The following CACNG5 variants were observed in gnomAD, a reference collection of about 807,000 sequenced individuals.
The protein encoded by CACNG5 is voltage-dependent calcium channel gamma-5 subunit.
CACNG5 carries 18 observed loss-of-function variants against 24.8 expected under a neutral mutation model. That is an observed-to-expected ratio of 0.73 (90% CI 0.50 to 1.08). CACNG5 has a LOEUF of 1.08. CACNG5 is among the 50% of genes least tolerant of loss of function. CACNG5 has a pLI of 0.00. For missense variants in CACNG5, 349 were observed against 367.9 expected, an observed-to-expected ratio of 0.95 and a Z score of 0.42; for synonymous variants, 157 against 149.1, an observed-to-expected ratio of 1.05 and a Z score of -0.39.
At chr17:66,854,453 G>A (rs1371657508) in intron 1 of CACNG5, among the ~76,000 whole-genome samples, 1 of 148,878 alleles carries the variant, frequency 6.7e-6, no homozygotes, top group East Asian at 2.0e-4. Context: ...AAAAGATTGG[G>A]AGGCTGAGGT....
chr17:66,868,370 G>T (rs1156965865), intron 1 of CACNG5, among the ~76,000 whole-genome samples: 1 of 152,188 alleles, frequency 6.6e-6, no homozygotes, highest in East Asian at 1.9e-4. Context: ...GCTAGCTGTG[G>T]CTTTGCTTTT....
In CACNG5 at chr17:66,885,926, G is replaced by A. The variant is rs969035103; in HGVS notation, c.*686G>A. Among the ~76,000 whole-genome samples the A allele has an allele frequency of 1.3e-5, 2 of 152,202 alleles. No individual in the cohort carries two copies. The highest frequency in any genetic ancestry group is 4.8e-5 in the African/African-American group (2 of 41,450). On this transcript the variant is annotated 3_prime_UTR_variant, in exon 6 of 6. Coordinates refer to ENST00000533854, the MANE Select transcript of CACNG5 (RefSeq NM_145811.3). ...ACTAAGGGACTAAGGGTGGCTCTGAGGCCACACTGATGAAGTCACAAAGAG... is the reference window on the plus strand; with the variant it reads ...ACTAAGGGACTAAGGGTGGCTCTGAAGCCACACTGATGAAGTCACAAAGAG...
At position 66,877,434 on chromosome 17, in the gene CACNG5, G is replaced by A. The variant is rs11652480; in HGVS notation, c.102G>A (p.Leu34=). 0.082 allele frequency: 132,650 copies of A among 1,613,990 alleles called. 5,844 individuals carry two copies. Among genetic ancestry groups the A allele is most frequent in the Middle Eastern group, 0.12 (732 of 6,062 alleles). ...TCGCGGTCAGCACCGACTACTGGCT[G>A]TACCTGGAGGAGGGTGTGATTGTGC... The part of the protein sequence containing the change: ...LGIAVSTDYW[L]YLEEGVIVPQ... The change falls in exon 2 of 6, where the codon CTG becomes CTA. Residue 34 remains leucine, a synonymous_variant. Coordinates refer to ENST00000533854, the MANE Select transcript of CACNG5 (RefSeq NM_145811.3).
chr17:66,861,136 T>C (rs1430763522), intron 1 of CACNG5, among the ~76,000 whole-genome samples: 1 of 152,238 alleles, frequency 6.6e-6, no homozygotes, highest in Non-Finnish European at 1.5e-5. Flanking sequence ...GCTTATCACA[T>C]ACAGAATTGT....
intron 1 of CACNG5, among the ~76,000 whole-genome samples, chr17:66,853,963 GA>G (rs1269402139): frequency 6.6e-6 from 1 of 151,964 alleles, no homozygotes; most frequent in East Asian, 1.9e-4. Context: ...GAATTAGAAT[GA>G]AAAACTACAA....
chr17:66,877,229 G>A lies in CACNG5; in HGVS notation c.-103-1G>A. 1 of 922,752 alleles carries A rather than the reference G, an allele frequency of 1.1e-6. No homozygotes were observed. 57.2% of individuals were successfully genotyped at this position (922,752 alleles called of 1,614,324 possible). Reference sequence around the variant, plus strand: ...CTGGCTCCTCATCTTCGTCTTCTCAGAGCCGTGGGTACTGCCACCTGCTCA... The same window carrying A: ...CTGGCTCCTCATCTTCGTCTTCTCAAAGCCGTGGGTACTGCCACCTGCTCA... On this transcript the variant is annotated splice_acceptor_variant, in intron 1 of 5. Coordinates refer to ENST00000533854, the MANE Select transcript of CACNG5 (RefSeq NM_145811.3). LOFTEE classifies it low-confidence loss of function (5UTR_SPLICE).
chr17:66,847,987 G>A (rs1976660230), intron 1 of CACNG5, among the ~76,000 whole-genome samples: 1 of 152,174 alleles, frequency 6.6e-6, no homozygotes, highest in African/African-American at 2.4e-5. Context: ...GGTCAGGTGG[G>A]CCCCCACTGG....
At chr17:66,859,900 C>T (rs990643200) in intron 1 of CACNG5, among the ~76,000 whole-genome samples, 2 of 152,078 alleles carry the variant, frequency 1.3e-5, no homozygotes, top group African/African-American at 4.8e-5. Context: ...TCTTCTCCAC[C>T]TCTTCCATAA....
intron 3 of CACNG5, 53 bp downstream of exon 3, chr17:66,879,111 A>ACCT: frequency 7.5e-7 from 1 of 1,332,116 alleles, no homozygotes; most frequent in Non-Finnish European, 1.1e-6. Context: ...GAGAGGAGCA[A>ACCT]GGCAGAGGGA....
intron 1 of CACNG5, among the ~76,000 whole-genome samples, chr17:66,875,494 G>C (rs752771830): frequency 7.9e-5 from 12 of 152,184 alleles, no homozygotes; most frequent in Non-Finnish European, 1.5e-4. Flanking sequence ...CGGCGCTGTG[G>C]AATCAGGGCC....
intron 1 of CACNG5, among the ~76,000 whole-genome samples, chr17:66,851,092 A>G (rs977516871): frequency 6.6e-6 from 1 of 152,104 alleles, no homozygotes; most frequent in Non-Finnish European, 1.5e-5. Flanking sequence ...AAATTTGCCA[A>G]CTACCAGCCC....
At chr17:66,862,456 C>G (rs1431362862) in intron 1 of CACNG5, among the ~76,000 whole-genome samples, 1 of 151,034 alleles carries the variant, frequency 6.6e-6, no homozygotes. Context: ...TGTGTGTGCA[C>G]ATAGGCACAT....
At chr17:66,863,656 C>T (rs1976893779) in intron 1 of CACNG5, among the ~76,000 whole-genome samples, 1 of 152,168 alleles carries the variant, frequency 6.6e-6, no homozygotes, top group Non-Finnish European at 1.5e-5. Context: ...CATGAGCCAC[C>T]ATCTCTGGCC....
rs1977238962 is a variant in CACNG5, at chr17:66,885,162, CTCCCTGCA to C, written c.751_758del (p.Ser251AspfsTer15). 1 of 1,613,028 alleles carries C rather than the reference CTCCCTGCA, an allele frequency of 6.2e-7. No individual in the cohort carries two copies. Among genetic ancestry groups the C allele is most frequent in the Non-Finnish European group, 8.5e-7 (1 of 1,179,964 alleles). On this transcript the variant is annotated frameshift_variant, in exon 6 of 6. Transcript: ENST00000533854. LOFTEE classifies it high-confidence loss of function. ...GCCCCTCCGACATCTCCAGCGAGGC[CTCCCTGCA>C]GATGAACAGCAACTACCCCGCCTTG... is the stretch of plus-strand genomic sequence containing the variant.
rs1977321291 is a variant in CACNG5, at chr17:66,890,087, TG to T, written c.*4848del. On this transcript the variant is annotated 3_prime_UTR_variant, in exon 6 of 6. Transcript: ENST00000533854. The stretch of plus-strand genomic sequence containing the variant: ...TCAGTGAACCACTTTCATATGCTCG[TG>T]TGACACTTGGAAGTTAACCTGCCTT... Among the ~76,000 whole-genome samples, 1 of 152,206 alleles carries T rather than the reference TG, an allele frequency of 6.6e-6. No individual in the cohort carries two copies. Among genetic ancestry groups the T allele is most frequent in the Non-Finnish European group, 1.5e-5 (1 of 68,040 alleles).
Position 66,893,485 on chromosome 17 carries a change from A to C in CACNG5, c.*8245A>C, listed in dbSNP as rs1176325042. ...CCACACTCTTGTTCTGGATAAATTG[A>C]AGCAACTGGAGAAAGACTCATGACA... On this transcript the variant is annotated 3_prime_UTR_variant, in exon 6 of 6. Transcript: ENST00000533854. 6.6e-6 allele frequency among the ~76,000 whole-genome samples: 1 copy of C among 152,208 alleles called. No individual in the cohort carries two copies. Among genetic ancestry groups the C allele is most frequent in the Non-Finnish European group, 1.5e-5 (1 of 68,030 alleles).
At position 66,886,661 on chromosome 17, in the gene CACNG5, C is replaced by T. The variant is rs902698629; in HGVS notation, c.*1421C>T. Among the ~76,000 whole-genome samples the T allele has an allele frequency of 3.3e-5, 5 of 152,160 alleles. No individual in the cohort carries two copies. The highest frequency in any genetic ancestry group is 1.9e-4 in the East Asian group (1 of 5,194). On this transcript the variant is annotated 3_prime_UTR_variant, in exon 6 of 6. Coordinates refer to ENST00000533854, the MANE Select transcript of CACNG5 (RefSeq NM_145811.3). ...TTCTGAGAACAGAAAGCCATGGTGGCGACACGTGGGCTCCAGCACGTAGTC... is the reference window on the plus strand; with the variant it reads ...TTCTGAGAACAGAAAGCCATGGTGGTGACACGTGGGCTCCAGCACGTAGTC...
chr17:66,860,328 C>CT (rs1289665394), intron 1 of CACNG5, among the ~76,000 whole-genome samples: 5 of 152,254 alleles, frequency 3.3e-5, no homozygotes, highest in Middle Eastern at 3.4e-3. Context: ...TGAGCTATGC[C>CT]ACACCCAGAC....
intron 1 of CACNG5, among the ~76,000 whole-genome samples, chr17:66,842,986 A>G (rs1281931685): frequency 6.6e-6 from 1 of 152,262 alleles, no homozygotes; most frequent in Non-Finnish European, 1.5e-5. Context: ...CCTGCACGCC[A>G]GCAACTGGAA....
Sources: allele counts gnomAD v4.1 joint callset (sites outside exome capture counted in the v4.1 genomes callset), GRCh38; gene constraint gnomAD v4.1.1; transcripts MANE v1.5; gene names NCBI Gene and HGNC (gene_info 2026-07-23, HGNC 2026-07-21).